IQCE: variants seen among roughly 807,000 people sequenced by gnomAD.
The protein encoded by IQCE is IQ domain-containing protein E.
IQCE carries 115 observed loss-of-function variants against 96.0 expected under a neutral mutation model. That is an observed-to-expected ratio of 1.20 (90% CI 1.03 to 1.40). The LOEUF (loss-of-function observed/expected upper bound fraction) is 1.40. Among genes scored for constraint, IQCE ranks in the 40% most tolerant of loss-of-function variants. The pLI is 0.00. For synonymous variants in IQCE, 412 were observed against 371.2 expected (o/e 1.11, Z -1.26); for missense variants, 1,041 against 909.1 (o/e 1.15, Z -1.87).
intron 1 of IQCE, among the ~76,000 whole-genome samples, chr7:2,565,699 G>A (rs1550202): frequency 0.49 from 74,842 of 151,944 alleles, 20,314 homozygotes; most frequent in African/African-American, 0.73. Flanking sequence ...TCAATTTTGT[G>A]CATAATTTCA....
At chr7:2,593,794 G>A (rs999456987) in intron 15 of IQCE, among the ~76,000 whole-genome samples, 6 of 152,226 alleles carry the variant, frequency 3.9e-5, no homozygotes, top group Middle Eastern at 3.2e-3. Flanking sequence ...TTAGAGAGGG[G>A]TGGTAGCTGC....
intron 2 of IQCE, among the ~76,000 whole-genome samples, chr7:2,567,810 G>C (rs1022712636): frequency 1.3e-5 from 2 of 152,204 alleles, no homozygotes; most frequent in Non-Finnish European, 2.9e-5. Context: ...GTGGACTCAA[G>C]GGGGAGCCTC....
intron 10 of IQCE, 118 bp downstream of exon 10, chr7:2,583,827 G>A (rs1225739249): frequency 9.5e-6 from 1 of 104,886 alleles, no homozygotes; most frequent in South Asian, 3.5e-4. Context: ...GCGGCGGGGC[G>A]GGCACCGAGC....
intron 3 of IQCE, among the ~76,000 whole-genome samples, chr7:2,571,123 T>C (rs892780220): frequency 2.6e-5 from 4 of 152,122 alleles, no homozygotes; most frequent in Non-Finnish European, 5.9e-5. Context: ...GCTCAAGAGA[T>C]CCTCCTGCCT....
Position 2,598,568 on chromosome 7 carries a change from C to G in IQCE, c.1544C>G (p.Ser515Cys), listed in dbSNP as rs1442069710. Residue 515 changes from serine (S) to cysteine (C), a missense_variant, in exon 17 of 22, where the codon TCT (serine) becomes TGT (cysteine). Transcript: ENST00000402050. ...CTCCCGCGGCCCCGCTCCCCCTGCT[C>G]TGATGGGAGAAGAGACGCCGCGGCC... The part of the protein sequence containing the change: ...EGLPRPRSPC[S>C]DGRRDAAARV... The G allele has an allele frequency of 1.9e-6, 3 of 1,610,240 alleles. No homozygotes were observed. The highest frequency in any genetic ancestry group is 2.2e-5 in the South Asian group (2 of 90,628).
intron 1 of IQCE, among the ~76,000 whole-genome samples, chr7:2,565,182 C>T (rs35243077): frequency 0.11 from 15,702 of 148,018 alleles, 1,071 homozygotes; most frequent in Non-Finnish European, 0.15. Flanking sequence ...CTGCTGACTG[C>T]AGTCATGGAT....
intron 6 of IQCE, 75 bp from the exon 7 acceptor site, chr7:2,578,167 G>T: frequency 8.8e-7 from 1 of 1,135,794 alleles, no homozygotes; most frequent in Non-Finnish European, 1.3e-6. Flanking sequence ...GTGCGTGGCT[G>T]TGTGCGCGGG....
chr7:2,575,523 C>T (rs1458372408), intron 6 of IQCE, among the ~76,000 whole-genome samples: 1 of 152,246 alleles, frequency 6.6e-6, no homozygotes, highest in Non-Finnish European at 1.5e-5. Context: ...GCCCGACCTC[C>T]TCTGGAGCCC....
At chr7:2,595,413 G>A (rs1199187039) in intron 16 of IQCE, among the ~76,000 whole-genome samples, 1 of 152,164 alleles carries the variant, frequency 6.6e-6, no homozygotes, top group African/African-American at 2.4e-5. Flanking sequence ...CCCTCTGGGT[G>A]GGGTGGGGCT....
intron 14 of IQCE, among the ~76,000 whole-genome samples, chr7:2,591,534 T>C (rs559525201): frequency 1.3e-5 from 2 of 151,978 alleles, no homozygotes; most frequent in African/African-American, 4.8e-5. Context: ...CAACAAGAGC[T>C]AGGAGCTGGT....
intron 16 of IQCE, chr7:2,596,928 G>A (rs1471669794): frequency 2.2e-6 from 1 of 465,088 alleles, no homozygotes; most frequent in Non-Finnish European, 4.5e-6. Flanking sequence ...AGCTGGCTGT[G>A]TGGATGTACC....
At position 2,611,133 on chromosome 7, in the gene IQCE, CT is replaced by C. The variant is rs1562691447; in HGVS notation, c.*972del. ...CATGGCTGGGCTGGGCTGGGCTGGG[CT>C]GGGCTGGGCCGGGCGTGCGGAGCCT... On this transcript the variant is annotated 3_prime_UTR_variant, in exon 22 of 22. Coordinates refer to ENST00000402050, the MANE Select transcript of IQCE (RefSeq NM_152558.5). 8.8e-4 allele frequency: 129 copies of C among 147,124 alleles called. No individual in the cohort carries two copies. The highest frequency in any genetic ancestry group is 3.1e-3 in the African/African-American group (124 of 39,990). The allele number at this position is 147,124 out of a possible 1,614,324, so 9.1% of individuals were successfully genotyped here.
At position 2,598,453 on chromosome 7, in the gene IQCE, A is replaced by G. The variant is rs1784210857; in HGVS notation, c.1441-12A>G. The G allele has an allele frequency of 6.4e-7, 1 of 1,558,076 alleles. No individual in the cohort carries two copies. Among genetic ancestry groups the G allele is most frequent in the Admixed American group, 2.0e-5 (1 of 50,792 alleles). ...GGCTTCATTGTCCTCTTACTCCTTC[A>G]ATTTCCTGCAGGCCCAAGAGCTCCC... On this transcript the variant is annotated splice_polypyrimidine_tract_variant and intron_variant, in intron 16 of 21. Transcript: ENST00000402050.
At chr7:2,577,991 T>C (rs1454831310) in intron 6 of IQCE, among the ~76,000 whole-genome samples, 39 of 103,842 alleles carry the variant, frequency 3.8e-4, no homozygotes, top group African/African-American at 1.1e-3. Context: ...GTGCGGCGTG[T>C]GCGCATTGGC....
rs1176107582 is a variant in IQCE, at chr7:2,606,005, A to AG, written c.1865+11dup. On this transcript the variant is annotated intron_variant, in intron 20 of 21. Transcript: ENST00000402050. ...GGCCCGGGCCAGGCACAGGTGAGTC[A>AG]GGGTCACGGGGACGTGGGACACAGA... 2.5e-6 allele frequency: 4 copies of AG among 1,604,936 alleles called. No homozygotes were observed. Among genetic ancestry groups the AG allele is most frequent in the Non-Finnish European group, 3.4e-6 (4 of 1,176,690 alleles).
At chr7:2,574,614 G>T (rs558238323) in intron 6 of IQCE, among the ~76,000 whole-genome samples, 1 of 152,292 alleles carries the variant, frequency 6.6e-6, no homozygotes, top group African/African-American at 2.4e-5. Flanking sequence ...GTGTGGATTG[G>T]GGGGATTATC....
intron 17 of IQCE, 179 bp downstream of exon 17, chr7:2,598,811 G>A (rs1291065348): frequency 1.3e-5 from 6 of 462,958 alleles, no homozygotes; most frequent in Admixed American, 4.0e-5. Context: ...TTCTGGGTGC[G>A]TTTTGTGCAG....
chr7:2,603,746 C>A (rs1439201130), intron 18 of IQCE, among the ~76,000 whole-genome samples: 1 of 152,166 alleles, frequency 6.6e-6, no homozygotes, highest in Non-Finnish European at 1.5e-5. Context: ...CCTCGCCCTC[C>A]TTTGCTGAGC....
intron 14 of IQCE, among the ~76,000 whole-genome samples, chr7:2,592,095 G>C (rs11768311): frequency 6.6e-6 from 1 of 151,832 alleles, no homozygotes; most frequent in African/African-American, 2.4e-5. Context: ...CCCTACAGGT[G>C]ATCTGTGTGT....
Sources: allele counts gnomAD v4.1 joint callset (sites outside exome capture counted in the v4.1 genomes callset), GRCh38; gene constraint gnomAD v4.1.1; transcripts MANE v1.5; gene names NCBI Gene and HGNC (gene_info 2026-07-23, HGNC 2026-07-21).